The following ZNF532 variants were observed in gnomAD, a reference collection of about 807,000 sequenced individuals.
ZNF532 encodes the protein zinc finger protein 532.
In ZNF532, 22 loss-of-function variants were observed where a neutral mutation model predicts 89.3. That is an observed-to-expected ratio of 0.25 (90% CI 0.18 to 0.35). ZNF532 has a LOEUF of 0.35. Ranked by LOEUF, ZNF532 falls within the 10% of genes least tolerant of loss-of-function variation. The probability of loss-of-function intolerance (pLI) is 1.00; values close to 1 mark genes in which losing one functional copy is unlikely to be tolerated. For missense variants in ZNF532, 1,132 were observed against 1,643.4 expected (o/e 0.69, Z 5.38); for synonymous variants, 606 against 649.6 (o/e 0.93, Z 1.02).
chr18:58,940,892 TAGG>T (rs2062928613), intron 5 of ZNF532, among the ~76,000 whole-genome samples: 1 of 134,374 alleles, frequency 7.4e-6, no homozygotes, highest in African/African-American at 2.9e-5. Context: ...AAGGAAGTAT[TAGG>T]GGGAAGATAC....
intron 2 of ZNF532, among the ~76,000 whole-genome samples, chr18:58,888,827 A>AT (rs1204136039): frequency 5.8e-4 from 10 of 17,174 alleles, no homozygotes; most frequent in African/African-American, 2.9e-3. Flanking sequence ...ATATATATAA[A>AT]TTATATATAT....
In ZNF532 at chr18:58,985,670, C is replaced by T. The variant is rs1358749459; in HGVS notation, c.*1204C>T. 5.9e-5 allele frequency: 9 copies of T among 152,464 alleles called. No individual in the cohort carries two copies. The East Asian group carries it at 9.7e-4, about 16-fold the overall frequency. The allele number at this position is 152,464 out of a possible 1,614,324, so 9.4% of individuals were successfully genotyped here. On this transcript the variant is annotated 3_prime_UTR_variant, in exon 10 of 10. Transcript: ENST00000591808. ...AGCAGAGGTACTCTTCTGTCCCTTC[C>T]GTTTATAGTTCTCTGAGAGAGTTCT...
intron 9 of ZNF532, 42 bp from the exon 10 acceptor site, chr18:58,983,930 G>A (rs1398992982): frequency 3.8e-6 from 6 of 1,569,066 alleles, no homozygotes; most frequent in Non-Finnish European, 5.2e-6. Context: ...CCACCGTGAA[G>A]GATGGTTTTC....
chr18:58,880,485 T>C (rs2057791685), intron 2 of ZNF532, among the ~76,000 whole-genome samples: 1 of 152,218 alleles, frequency 6.6e-6, no homozygotes, highest in Non-Finnish European at 1.5e-5. Context: ...TACCGTTCTT[T>C]AATACAATTG....
chr18:58,897,730 A>G (rs1177248436), intron 2 of ZNF532, among the ~76,000 whole-genome samples: 1 of 152,252 alleles, frequency 6.6e-6, no homozygotes, highest in Non-Finnish European at 1.5e-5. Context: ...AGGCAGGCAG[A>G]TCACCTGAGA....
intron 4 of ZNF532, among the ~76,000 whole-genome samples, chr18:58,936,643 G>A (rs944154690): frequency 3.3e-5 from 5 of 152,214 alleles, no homozygotes; most frequent in African/African-American, 1.2e-4. Context: ...AAAATTTTGT[G>A]TTAAGTGTAG....
intron 3 of ZNF532, among the ~76,000 whole-genome samples, chr18:58,921,293 G>A (rs187841808): frequency 2.6e-5 from 4 of 152,058 alleles, no homozygotes; most frequent in South Asian, 4.1e-4. Flanking sequence ...ATTTGAGCCC[G>A]GCTTCATCAT....
At chr18:58,969,272 G>C (rs2066229167) in intron 7 of ZNF532, among the ~76,000 whole-genome samples, 1 of 152,180 alleles carries the variant, frequency 6.6e-6, no homozygotes, top group Non-Finnish European at 1.5e-5. Flanking sequence ...GGTGAGACCA[G>C]CACAGAGGAA....
chr18:58,878,276 G>GAA (rs11421061), intron 2 of ZNF532, among the ~76,000 whole-genome samples: 64 of 151,274 alleles, frequency 4.2e-4, no homozygotes, highest in African/African-American at 1.4e-3. Flanking sequence ...AAAACAAAAC[G>GAA]AAAAAAAACC....
chr18:58,951,647 T>TTG (rs1555746491), intron 6 of ZNF532, among the ~76,000 whole-genome samples: 1 of 27,734 alleles, frequency 3.6e-5, no homozygotes, highest in Non-Finnish European at 7.7e-5. Flanking sequence ...CGCCCTGTTG[T>TTG]TTTTTTTTTT....
chr18:58,885,022 C>G (rs2058195039), intron 2 of ZNF532, among the ~76,000 whole-genome samples: 1 of 141,360 alleles, frequency 7.1e-6, no homozygotes. Context: ...GAGTTTCACT[C>G]TTGTTACCTA....
intron 3 of ZNF532, among the ~76,000 whole-genome samples, chr18:58,933,376 G>A (rs1448454147): frequency 6.6e-6 from 1 of 152,008 alleles, no homozygotes; most frequent in African/African-American, 2.4e-5. Context: ...TTTTGGGCGT[G>A]CTTCAAAAAC....
At position 58,984,336 on chromosome 18, in the gene ZNF532, G is replaced by A. The variant is rs1486486746; in HGVS notation, c.3776G>A (p.Gly1259Asp). The A allele has an allele frequency of 6.2e-7, 1 of 1,611,992 alleles. No individual in the cohort carries two copies. Among genetic ancestry groups the A allele is most frequent in the Admixed American group, 1.7e-5 (1 of 60,010 alleles). Reference sequence around the variant, plus strand: ...AGCCACGAGGATGAATCCCCTGATGGCGCCGTGTCAGACAGAAAGTGCAAA... The same window carrying A: ...AGCCACGAGGATGAATCCCCTGATGACGCCGTGTCAGACAGAAAGTGCAAA... ...KPSHEDESPD[G>D]AVSDRKCKVC... Residue 1259 changes from glycine to aspartate, a missense_variant, in exon 10 of 10, where the codon GGC (glycine) becomes GAC (aspartate). Physicochemically the swap from Gly to Asp is moderately conservative, Grantham distance 94. Coordinates refer to ENST00000591808, the MANE Select transcript of ZNF532 (RefSeq NM_001375912.1).
At chr18:58,938,646 T>A (rs1480043604) in intron 4 of ZNF532, among the ~76,000 whole-genome samples, 1 of 152,244 alleles carries the variant, frequency 6.6e-6, no homozygotes, top group Non-Finnish European at 1.5e-5. Context: ...CCCACATACA[T>A]TGACCACATC....
chr18:58,933,335 G>C (rs527435354), intron 3 of ZNF532, among the ~76,000 whole-genome samples: 1 of 152,016 alleles, frequency 6.6e-6, no homozygotes, highest in Non-Finnish European at 1.5e-5. Flanking sequence ...ATTTTTCTTA[G>C]TCTAAGTCAC....
intron 4 of ZNF532, among the ~76,000 whole-genome samples, chr18:58,936,644 T>C (rs2062497653): frequency 6.6e-6 from 1 of 152,216 alleles, no homozygotes; most frequent in Non-Finnish European, 1.5e-5. Context: ...AAATTTTGTG[T>C]TAAGTGTAGA....
intron 3 of ZNF532, among the ~76,000 whole-genome samples, chr18:58,923,141 C>T (rs2061253596): frequency 1.3e-5 from 2 of 152,052 alleles, no homozygotes; most frequent in Admixed American, 6.5e-5. Context: ...AAAACACTCA[C>T]CTCCTGATCT....
Position 58,920,278 on chromosome 18 carries a change from A to G in ZNF532, c.1991A>G (p.His664Arg). 6.2e-7 allele frequency: 1 copy of G among 1,613,958 alleles called. No individual in the cohort carries two copies. The highest frequency in any genetic ancestry group is 8.5e-7 in the Non-Finnish European group (1 of 1,179,864). The change falls in exon 3 of 10, where the codon CAT (histidine) becomes CGT (arginine). Residue 664 changes from histidine to arginine, a missense_variant. Physicochemically the swap from His to Arg is conservative, Grantham distance 29. Transcript: ENST00000591808. ...VFYNKCSLLS[H>R]ARGHKEKGVV... ...TACAACAAATGCAGCCTCCTTTCCC[A>G]TGCCCGTGGGCATAAGGAGAAAGGG... is the stretch of plus-strand genomic sequence containing the variant.
chr18:58,940,958 A>ACACACACTCT (rs1209329621), intron 5 of ZNF532, among the ~76,000 whole-genome samples: 9 of 131,702 alleles, frequency 6.8e-5, no homozygotes, highest in African/African-American at 2.5e-4. Flanking sequence ...ACACACACAC[A>ACACACACTCT]CTCTTTCTCT....
Sources: allele counts gnomAD v4.1 joint callset (sites outside exome capture counted in the v4.1 genomes callset), GRCh38; gene constraint gnomAD v4.1.1; transcripts MANE v1.5; gene names NCBI Gene and HGNC (gene_info 2026-07-23, HGNC 2026-07-21).